The following DENND1A variants were observed in gnomAD, a reference collection of about 807,000 sequenced individuals.
DENND1A encodes the protein DENN domain containing 1A.
DENND1A carries 51 observed loss-of-function variants against 113.7 expected under a neutral mutation model. That is an observed-to-expected ratio of 0.45 (90% CI 0.36 to 0.57). The LOEUF is 0.57. DENND1A is among the 20% of genes least tolerant of loss of function. The pLI is 0.00. For synonymous variants in DENND1A, 565 were observed against 570.8 expected (o/e 0.99, Z 0.14); for missense variants, 1,258 against 1,395.9 (o/e 0.90, Z 1.57).
At chr9:123,407,508 G>C (rs965197244) in intron 20 of DENND1A, among the ~76,000 whole-genome samples, 2 of 152,084 alleles carry the variant, frequency 1.3e-5, no homozygotes, top group African/African-American at 4.8e-5. Context: ...GACACACACA[G>C]ACAAAACGGT....
intron 5 of DENND1A, among the ~76,000 whole-genome samples, chr9:123,729,984 AC>A (rs756527510): frequency 2.0e-5 from 3 of 152,170 alleles, no homozygotes; most frequent in Non-Finnish European, 2.9e-5. Flanking sequence ...TCTTTGAAAA[AC>A]CTGAGAAAAA....
At chr9:123,555,491 G>A (rs1246665701) in intron 13 of DENND1A, among the ~76,000 whole-genome samples, 2 of 152,128 alleles carry the variant, frequency 1.3e-5, no homozygotes, top group African/African-American at 4.8e-5. Flanking sequence ...TGCTTCCTCA[G>A]TTACCTCCAC....
At chr9:123,779,413 A>G (rs1451634726) in intron 3 of DENND1A, among the ~76,000 whole-genome samples, 1 of 152,188 alleles carries the variant, frequency 6.6e-6, no homozygotes, top group Non-Finnish European at 1.5e-5. Context: ...AGTTTCAATT[A>G]ACAGCACAAG....
intron 13 of DENND1A, among the ~76,000 whole-genome samples, chr9:123,459,254 T>A (rs1202724016): frequency 3.9e-5 from 6 of 152,138 alleles, no homozygotes; most frequent in African/African-American, 1.4e-4. Flanking sequence ...GACCTGGGGG[T>A]AGAGCAGGGG....
chr9:123,420,220 C>T (rs1431080609), intron 19 of DENND1A, among the ~76,000 whole-genome samples: 1 of 152,190 alleles, frequency 6.6e-6, no homozygotes, highest in African/African-American at 2.4e-5. Context: ...CTCAGGATAT[C>T]CCAGTGGTCC....
chr9:123,713,946 T>TAA (rs747020529), intron 5 of DENND1A, among the ~76,000 whole-genome samples: 5 of 151,552 alleles, frequency 3.3e-5, no homozygotes, highest in African/African-American at 1.2e-4. Context: ...AGAGAAGAGT[T>TAA]AAAAAAAAAT....
intron 5 of DENND1A, among the ~76,000 whole-genome samples, chr9:123,709,242 T>G (rs2066427095): frequency 6.6e-6 from 1 of 152,162 alleles, no homozygotes; most frequent in Admixed American, 6.5e-5. Flanking sequence ...TCCCAGGACT[T>G]CTCTTTCCCA....
chr9:123,580,621 C>A (rs969606294), intron 12 of DENND1A, among the ~76,000 whole-genome samples: 2 of 152,236 alleles, frequency 1.3e-5, no homozygotes, highest in African/African-American at 4.8e-5. Flanking sequence ...TTCCCACATT[C>A]ACTAGGCATT....
rs575135025 is a variant in DENND1A at position 123,854,842 on chromosome 9, A to G, written c.88+24109T>C. 8.6e-5 allele frequency among the ~76,000 whole-genome samples: 13 copies of G among 151,206 alleles called. No homozygotes were observed. In the South Asian group the frequency reaches 2.7e-3, roughly 31 times the overall value. On this transcript the variant is annotated intron_variant, in intron 2 of 23. Transcript: ENST00000394215. ...CGAATATATCTTCATCTTATCAGCT[A>G]CCGAGATAGTACCAGACATTGCCAC...
chr9:123,476,051 G>T (rs1380217146), intron 13 of DENND1A, among the ~76,000 whole-genome samples: 1 of 152,068 alleles, frequency 6.6e-6, no homozygotes, highest in Non-Finnish European at 1.5e-5. Context: ...TGGGCGTGGT[G>T]GTGTACTCCT....
chr9:123,854,668 C>T (rs1482233000), intron 2 of DENND1A, among the ~76,000 whole-genome samples: 1 of 149,710 alleles, frequency 6.7e-6, no homozygotes, highest in Non-Finnish European at 1.5e-5. Context: ...GCACTCCAGC[C>T]TGGGTGACAG....
At chr9:123,844,455 T>C (rs1377225146) in intron 2 of DENND1A, among the ~76,000 whole-genome samples, 2 of 152,096 alleles carry the variant, frequency 1.3e-5, no homozygotes, top group African/African-American at 4.8e-5. Context: ...AAATTCAAAA[T>C]TTCCATTTAC....
At chr9:123,737,472 G>A (rs1039559399) in intron 5 of DENND1A, among the ~76,000 whole-genome samples, 1 of 152,130 alleles carries the variant, frequency 6.6e-6, no homozygotes, top group African/African-American at 2.4e-5. Flanking sequence ...ACAGATGTGA[G>A]CCACCACACC....
chr9:123,463,163 C>T (rs749810478), intron 13 of DENND1A, among the ~76,000 whole-genome samples: 3 of 152,164 alleles, frequency 2.0e-5, no homozygotes, highest in Non-Finnish European at 2.9e-5. Flanking sequence ...GAATTCAGGC[C>T]GTGAGTGTTC....
At chr9:123,865,360 C>G (rs1485845226) in intron 2 of DENND1A, among the ~76,000 whole-genome samples, 2 of 152,184 alleles carry the variant, frequency 1.3e-5, no homozygotes, top group Non-Finnish European at 1.5e-5. Flanking sequence ...GGGTCCACCC[C>G]AGGGATTAAG....
At chr9:123,504,148 G>C (rs2052718128) in intron 13 of DENND1A, among the ~76,000 whole-genome samples, 1 of 152,136 alleles carries the variant, frequency 6.6e-6, no homozygotes, top group Non-Finnish European at 1.5e-5. Flanking sequence ...TGCCCCAGTA[G>C]GCTGTGCCGT....
chr9:123,913,886 G>A (rs575965765), intron 1 of DENND1A, among the ~76,000 whole-genome samples: 3 of 139,248 alleles, frequency 2.2e-5, no homozygotes, highest in South Asian at 2.3e-4. Flanking sequence ...GCCTGGGCTC[G>A]AAACTCCTAT....
At chr9:123,521,461 T>A (rs2054389227) in intron 13 of DENND1A, among the ~76,000 whole-genome samples, 1 of 152,194 alleles carries the variant, frequency 6.6e-6, no homozygotes, top group African/African-American at 2.4e-5. Flanking sequence ...TTGTAAAAAA[T>A]AAGATTAAGT....
chr9:123,381,552 G>GGCCTGTTGAGGA lies in DENND1A; in HGVS notation c.3081_3092dup (p.Pro1028_Ala1031dup). On this transcript the variant is annotated inframe_insertion, in exon 24 of 24. Transcript: ENST00000394215. The surrounding 1 kb of genome is among the most constrained non-coding windows in gnomAD (Gnocchi z 4.7). ...GTAACAAATCCTCAAAGGGGTCTCTGGCCTGTTGAGGAGCAGAGGGCTGCA... is the reference window on the plus strand; with the variant it reads ...GTAACAAATCCTCAAAGGGGTCTCTGGCCTGTTGAGGAGCCTGTTGAGGAGCAGAGGGCTGCA... The GGCCTGTTGAGGA allele has an allele frequency of 3.7e-6, 6 of 1,613,762 alleles. No individual in the cohort carries two copies. Among genetic ancestry groups the GGCCTGTTGAGGA allele is most frequent in the Non-Finnish European group, 5.1e-6 (6 of 1,179,992 alleles).
Sources: allele counts gnomAD v4.1 joint callset (sites outside exome capture counted in the v4.1 genomes callset), GRCh38; gene constraint gnomAD v4.1.1; non-coding constraint Gnocchi (gnomAD v3.1); transcripts MANE v1.5; gene names NCBI Gene and HGNC (gene_info 2026-07-23, HGNC 2026-07-21).